The following CNKSR3 variants were observed in gnomAD, a reference collection of about 807,000 sequenced individuals.
The protein encoded by CNKSR3 is CNKSR family member 3.
Under a neutral mutation model 67.7 loss-of-function variants are expected in CNKSR3, and 36 were observed. The observed-to-expected ratio is 0.53, with a 90% confidence interval of 0.41 to 0.70. The LOEUF is 0.70. Ranked by LOEUF, CNKSR3 falls within the 30% of genes least tolerant of loss-of-function variation. The pLI is 0.00. For synonymous variants in CNKSR3, 281 were observed against 271.4 expected (o/e 1.04, Z -0.35); for missense variants, 630 against 695.2 (o/e 0.91, Z 1.05).
chr6:154,464,361 C>G (rs978839530), intron 1 of CNKSR3, among the ~76,000 whole-genome samples: 2 of 152,164 alleles, frequency 1.3e-5, no homozygotes, highest in African/African-American at 2.4e-5. Flanking sequence ...AAATTCTACT[C>G]TCGGAAACAT....
At chr6:154,443,991 G>T (rs574849422) in intron 2 of CNKSR3, among the ~76,000 whole-genome samples, 1 of 152,230 alleles carries the variant, frequency 6.6e-6, no homozygotes, top group African/African-American at 2.4e-5. Flanking sequence ...CCTTTTCAGA[G>T]AAAAGAGCCA....
chr6:154,434,628 G>A lies in CNKSR3; in HGVS notation c.508-1121C>T, dbSNP rs75899680. Among the ~76,000 whole-genome samples, 110 of 152,100 alleles carry A rather than the reference G, an allele frequency of 7.2e-4. 1 individual carries two copies. Among genetic ancestry groups the A allele is most frequent in the East Asian group, 5.8e-3 (30 of 5,184 alleles). ...TTTTTTCTACTAAATAAAAATGTAGGAAACAATAATAATGACTGCTCCTAA... is the reference window on the plus strand; with the variant it reads ...TTTTTTCTACTAAATAAAAATGTAGAAAACAATAATAATGACTGCTCCTAA... On this transcript the variant is annotated intron_variant, in intron 4 of 12. Coordinates refer to ENST00000607772, the MANE Select transcript of CNKSR3 (RefSeq NM_173515.4).
At position 154,394,754 on chromosome 6, in the gene CNKSR3, AG is replaced by A. The variant is rs1164099921; in HGVS notation, c.*11599del. 2.6e-5 allele frequency: 4 copies of A among 152,178 alleles called. No homozygotes were observed. Among genetic ancestry groups the A allele is most frequent in the African/African-American group, 9.7e-5 (4 of 41,442 alleles). The allele number at this position is 152,178 out of a possible 1,614,324, so 9.4% of individuals were successfully genotyped here. A position where few individuals can be genotyped will look rare whatever the true frequency, so the allele number is the denominator to read the frequency against. The stretch of plus-strand genomic sequence containing the variant: ...GGACCACTGTTCTTTCCTGAACCTT[AG>A]GAAAGCCATCAGATAACTGTCCGAT... On this transcript the variant is annotated 3_prime_UTR_variant, in exon 13 of 13. Coordinates refer to ENST00000607772, the MANE Select transcript of CNKSR3 (RefSeq NM_173515.4).
chr6:154,445,228 A>C (rs1336462902), intron 2 of CNKSR3, among the ~76,000 whole-genome samples: 1 of 152,174 alleles, frequency 6.6e-6, no homozygotes, highest in African/African-American at 2.4e-5. Context: ...TTTGAAAAAA[A>C]CTGAATTTCA....
chr6:154,415,486 C>T (rs1257721960), intron 9 of CNKSR3, among the ~76,000 whole-genome samples: 1 of 152,140 alleles, frequency 6.6e-6, no homozygotes, highest in Non-Finnish European at 1.5e-5. Flanking sequence ...CCACCTCAGC[C>T]TCCCAAAGTG....
intron 10 of CNKSR3, 88 bp downstream of exon 10, chr6:154,414,211 T>C: frequency 7.1e-7 from 1 of 1,401,906 alleles, no homozygotes; most frequent in South Asian, 1.5e-5. Flanking sequence ...CTCAGCAACT[T>C]CCTCTCTCAA....
chr6:154,415,012 T>G (rs1045187348), intron 9 of CNKSR3, among the ~76,000 whole-genome samples: 6 of 146,944 alleles, frequency 4.1e-5, no homozygotes, highest in African/African-American at 1.3e-4. Context: ...ATGGGAGGAT[T>G]GCTTGAGCCC....
chr6:154,415,603 G>A (rs1027884425), intron 9 of CNKSR3, among the ~76,000 whole-genome samples: 6 of 152,012 alleles, frequency 3.9e-5, no homozygotes, highest in African/African-American at 1.5e-4. Context: ...GAATAAATAG[G>A]GACAAGGATA....
In CNKSR3 at chr6:154,397,200, T is replaced by C. The variant is rs1784670376; in HGVS notation, c.*9154A>G. 1 of 152,190 alleles carries C rather than the reference T, an allele frequency of 6.6e-6. No individual in the cohort carries two copies. Among genetic ancestry groups the C allele is most frequent in the Admixed American group, 6.5e-5 (1 of 15,278 alleles). 9.4% of individuals were successfully genotyped at this position (152,190 alleles called of 1,614,324 possible). ...TAAAGAGAATGATTCAATAAGACTA[T>C]AGGATAAAGGCACCATTAAAGGTGC... is the stretch of plus-strand genomic sequence containing the variant. On this transcript the variant is annotated 3_prime_UTR_variant, in exon 13 of 13. Coordinates refer to ENST00000607772, the MANE Select transcript of CNKSR3 (RefSeq NM_173515.4).
At chr6:154,463,572 G>T (rs1786130660) in intron 1 of CNKSR3, among the ~76,000 whole-genome samples, 1 of 152,154 alleles carries the variant, frequency 6.6e-6, no homozygotes, top group African/African-American at 2.4e-5. Flanking sequence ...CGGGATGCCA[G>T]CCCTGGTTAC....
intron 9 of CNKSR3, among the ~76,000 whole-genome samples, chr6:154,421,508 T>C (rs72993385): frequency 0.046 from 6,982 of 152,318 alleles, 216 homozygotes; most frequent in African/African-American, 0.075. Flanking sequence ...TTGCTTTTCA[T>C]TCTTGCTTTA....
intron 5 of CNKSR3, among the ~76,000 whole-genome samples, chr6:154,431,573 G>A (rs1584076634): frequency 6.6e-6 from 1 of 151,898 alleles, no homozygotes; most frequent in South Asian, 2.1e-4. Context: ...TCTGACAAAT[G>A]CCTAATGTCA....
At chr6:154,408,981 T>G (rs1460261368) in intron 12 of CNKSR3, among the ~76,000 whole-genome samples, 2 of 152,204 alleles carry the variant, frequency 1.3e-5, no homozygotes, top group African/African-American at 2.4e-5. Context: ...CTGGCTCAGA[T>G]GAACGGCAAG....
rs1013129292 is a variant in CNKSR3, at chr6:154,396,611, G to A, written c.*9743C>T. On this transcript the variant is annotated 3_prime_UTR_variant, in exon 13 of 13. Transcript: ENST00000607772. ...GTCTAACACGATGAGTCAATGCTAT[G>A]GAAAAACAGAAGAGACCAGTTAATT... 3.9e-5 allele frequency: 6 copies of A among 152,020 alleles called. No homozygotes were observed. The highest frequency in any genetic ancestry group is 7.4e-5 in the Non-Finnish European group (5 of 68,002). 9.4% of individuals were successfully genotyped at this position (152,020 alleles called of 1,614,324 possible).
chr6:154,416,476 T>A (rs1562321955), intron 9 of CNKSR3, among the ~76,000 whole-genome samples: 1 of 152,242 alleles, frequency 6.6e-6, no homozygotes, highest in African/African-American at 2.4e-5. Context: ...AGGATCCAGA[T>A]TCTCCAAATC....
Position 154,406,803 on chromosome 6 carries a change from A to G in CNKSR3, c.1370-151T>C, listed in dbSNP as rs1335327799. Reference sequence around the variant, plus strand: ...GCCAACATGGTGAAACCCCGTCTCTACTGAAAATACAAAAATTAGCTGGCG... The same window carrying G: ...GCCAACATGGTGAAACCCCGTCTCTGCTGAAAATACAAAAATTAGCTGGCG... On this transcript the variant is annotated intron_variant, in intron 12 of 12. Coordinates refer to ENST00000607772, the MANE Select transcript of CNKSR3 (RefSeq NM_173515.4). 1.8e-5 allele frequency: 12 copies of G among 680,864 alleles called. No individual in the cohort carries two copies. The South Asian group carries it at 2.0e-4, about 11-fold the overall frequency. The allele number at this position is 680,864 out of a possible 1,614,324, so 42.2% of individuals were successfully genotyped here.
chr6:154,410,854 C>A (rs912956770), intron 11 of CNKSR3, 80 bp downstream of exon 11: 2 of 1,115,958 alleles, frequency 1.8e-6, no homozygotes, highest in African/African-American at 3.1e-5. Context: ...CCAAATTCAT[C>A]CAACAGTTCC....
chr6:154,507,037 T>A (rs1787117888), intron 1 of CNKSR3, among the ~76,000 whole-genome samples: 1 of 152,230 alleles, frequency 6.6e-6, no homozygotes, highest in African/African-American at 2.4e-5. Context: ...AATCTGTGTG[T>A]GACTCGGTTT....
intron 1 of CNKSR3, among the ~76,000 whole-genome samples, chr6:154,496,527 C>T (rs1193978362): frequency 6.6e-6 from 1 of 152,178 alleles, no homozygotes; most frequent in Non-Finnish European, 1.5e-5. Context: ...TCATTCTATC[C>T]TCTATAGATA....
Sources: allele counts gnomAD v4.1 joint callset (sites outside exome capture counted in the v4.1 genomes callset), GRCh38; gene constraint gnomAD v4.1.1; transcripts MANE v1.5; gene names NCBI Gene and HGNC (gene_info 2026-07-23, HGNC 2026-07-21).